The following RIN2 variants were observed in gnomAD, a reference collection of about 807,000 sequenced individuals.
RIN2 encodes the protein Ras and Rab interactor 2.
Under a neutral mutation model 78.0 loss-of-function variants are expected in RIN2, and 36 were observed. The observed-to-expected ratio is 0.46, with a 90% CI of 0.35 to 0.61. The LOEUF is 0.61. Among genes scored for constraint, RIN2 ranks in the 20% least tolerant of loss-of-function variants. RIN2 has a pLI of 0.00. For missense variants in RIN2, 1,087 were observed against 1,159.7 expected (o/e 0.94, Z 0.91); for synonymous variants, 466 against 466.8 (o/e 1.00, Z 0.02).
chr20:19,786,912 A>G (rs2034695418), intron 1 of RIN2, among the ~76,000 whole-genome samples: 1 of 152,238 alleles, frequency 6.6e-6, no homozygotes, highest in Admixed American at 6.5e-5. Context: ...TTGTACTTGC[A>G]AAGCTTTATG....
At chr20:19,857,473 C>T (rs2037204515) in intron 2 of RIN2, among the ~76,000 whole-genome samples, 1 of 152,126 alleles carries the variant, frequency 6.6e-6, no homozygotes, top group African/African-American at 2.4e-5. Context: ...TAGACACATA[C>T]ATCCATTTAT....
chr20:19,912,679 A>G (rs973993133), intron 3 of RIN2, among the ~76,000 whole-genome samples: 1 of 151,606 alleles, frequency 6.6e-6, no homozygotes, highest in South Asian at 2.1e-4. Context: ...GGGTTTCACC[A>G]TGTTGGCCAG....
At chr20:19,852,928 C>T (rs1600622956) in intron 2 of RIN2, among the ~76,000 whole-genome samples, 2 of 151,688 alleles carry the variant, frequency 1.3e-5, no homozygotes, top group African/African-American at 4.8e-5. Context: ...TACATGTGCA[C>T]AACGTGCAGG....
At chr20:19,973,799 A>G (rs1187213611) in intron 8 of RIN2, among the ~76,000 whole-genome samples, 1 of 152,146 alleles carries the variant, frequency 6.6e-6, no homozygotes, top group Non-Finnish European at 1.5e-5. Flanking sequence ...AAGGGAAAAA[A>G]AAAAAAGAAT....
rs578245984 is a variant in RIN2, at chr20:19,885,690, CAAAA to C, written c.-36-3868_-36-3865del. ...CGAAAAAGAAATACAAGCAAACAAA[CAAAA>C]AAAAAAACGAAAAGAAAAGAAAATT... On this transcript the variant is annotated intron_variant, in intron 2 of 12. Transcript: ENST00000255006. Among the ~76,000 whole-genome samples the C allele has an allele frequency of 2.3e-5, 3 of 132,610 alleles. No homozygotes were observed. The East Asian group carries it at 6.5e-4, about 29-fold the overall frequency. 87.0% of individuals were successfully genotyped at this position (132,610 alleles called of 152,430 possible). A position where few individuals can be genotyped will look rare whatever the true frequency, so the allele number is the denominator to read the frequency against.
intron 7 of RIN2, among the ~76,000 whole-genome samples, chr20:19,968,146 G>A (rs899077542): frequency 5.9e-5 from 9 of 152,096 alleles, no homozygotes; most frequent in Non-Finnish European, 8.8e-5. Flanking sequence ...TGTCTGTGTC[G>A]TCATCTGCTC....
intron 3 of RIN2, chr20:19,934,607 G>T (rs16981330): frequency 0.1 from 101,671 of 979,410 alleles, 5,602 homozygotes; most frequent in East Asian, 0.23. Context: ...TTTTGATGTC[G>T]TCAGAAATCA....
chr20:19,878,086 C>A (rs1352005835), intron 2 of RIN2, among the ~76,000 whole-genome samples: 4 of 152,168 alleles, frequency 2.6e-5, no homozygotes, highest in Non-Finnish European at 5.9e-5. Context: ...CTACCTGCCA[C>A]CCAATAGTCC....
chr20:19,963,876 T>C (rs2041848363), intron 6 of RIN2, among the ~76,000 whole-genome samples: 1 of 146,448 alleles, frequency 6.8e-6, no homozygotes, highest in Non-Finnish European at 1.5e-5. Context: ...TTTTTTTTTT[T>C]TTTTTGAGAC....
chr20:19,990,225 T>G lies in RIN2; in HGVS notation c.1982T>G (p.Met661Arg). The change falls in exon 10 of 13, where the codon ATG becomes AGG. Residue 661 changes from methionine (M) to arginine (R), a missense_variant. Coordinates refer to ENST00000255006, the MANE Select transcript of RIN2 (RefSeq NM_018993.4). Reference sequence around the variant, plus strand: ...AAAATCAAAGTCAAGTTCATGACCATGCAGAAGATGTATTCGCCGGAAAAG... The same window carrying G: ...AAAATCAAAGTCAAGTTCATGACCAGGCAGAAGATGTATTCGCCGGAAAAG... ...VEKIKVKFMT[M>R]QKMYSPEKKV... is the part of the protein sequence containing the mutation. The G allele has an allele frequency of 6.2e-7, 1 of 1,613,080 alleles. No homozygotes were observed. Among genetic ancestry groups the G allele is most frequent in the Non-Finnish European group, 8.5e-7 (1 of 1,179,602 alleles).
At chr20:19,906,713 G>C (rs1370342283) in intron 3 of RIN2, among the ~76,000 whole-genome samples, 2 of 152,166 alleles carry the variant, frequency 1.3e-5, no homozygotes, top group African/African-American at 4.8e-5. Context: ...CTGGAAACCT[G>C]AATTTTTTTG....
At chr20:19,877,544 A>G (rs2037894822) in intron 2 of RIN2, among the ~76,000 whole-genome samples, 1 of 152,192 alleles carries the variant, frequency 6.6e-6, no homozygotes, top group South Asian at 2.1e-4. Flanking sequence ...GATGCTTCTC[A>G]GGAGAGAGTC....
chr20:19,944,298 C>G (rs1190011870), intron 4 of RIN2, among the ~76,000 whole-genome samples: 1 of 152,122 alleles, frequency 6.6e-6, no homozygotes, highest in African/African-American at 2.4e-5. Context: ...CCAGACCCAC[C>G]ACCTCTCTTC....
intron 2 of RIN2, among the ~76,000 whole-genome samples, chr20:19,869,874 C>A (rs1030937140): frequency 9.9e-5 from 15 of 151,676 alleles, no homozygotes; most frequent in Non-Finnish European, 1.8e-4. Flanking sequence ...GATGACAGTG[C>A]TGGACCCAAG....
chr20:19,887,020 G>A (rs2038228020), intron 2 of RIN2, among the ~76,000 whole-genome samples: 1 of 151,702 alleles, frequency 6.6e-6, no homozygotes, highest in African/African-American at 2.4e-5. Flanking sequence ...TTGGGGCCCT[G>A]AAGAACTTTT....
intron 5 of RIN2, among the ~76,000 whole-genome samples, chr20:19,958,445 C>T (rs1305245861): frequency 6.6e-6 from 1 of 152,274 alleles, no homozygotes; most frequent in East Asian, 1.9e-4. Context: ...CTGAAACCTG[C>T]ATGGGAAACA....
intron 7 of RIN2, among the ~76,000 whole-genome samples, chr20:19,968,857 A>G (rs1040409531): frequency 6.6e-6 from 1 of 152,144 alleles, no homozygotes; most frequent in African/African-American, 2.4e-5. Context: ...TGAGATTAGC[A>G]TCAGGGTTGC....
Position 19,889,569 on chromosome 20 carries a change from T to TC in RIN2, c.-29dup. ...TTAAAAATGTCTCTACCTTCAGGAG[T>TC]CCCCGGCGTGCAGTGGAGCCTCGCT... is the stretch of plus-strand genomic sequence containing the variant. On this transcript the variant is annotated 5_prime_UTR_variant, in exon 3 of 13. Coordinates refer to ENST00000255006, the MANE Select transcript of RIN2 (RefSeq NM_018993.4). 1.9e-6 allele frequency: 3 copies of TC among 1,547,506 alleles called. No homozygotes were observed. Among genetic ancestry groups the TC allele is most frequent in the Non-Finnish European group, 2.6e-6 (3 of 1,144,542 alleles).
At chr20:19,965,680 T>A (rs2041916251) in intron 7 of RIN2, among the ~76,000 whole-genome samples, 1 of 152,224 alleles carries the variant, frequency 6.6e-6, no homozygotes, top group Non-Finnish European at 1.5e-5. Context: ...GGCGTGATCT[T>A]GGCTCACTAC....
Sources: gnomAD v4.1 joint callset for allele counts (sites outside exome capture counted in the v4.1 genomes callset) on GRCh38, gnomAD v4.1.1 for gene constraint, MANE v1.5 for transcripts, NCBI Gene and HGNC (gene_info 2026-07-23, HGNC 2026-07-21) for gene names.